Variants in PHLPP2 observed in about 807,000 individuals in gnomAD.
The protein encoded by PHLPP2 is PH domain and leucine rich repeat protein phosphatase 2.
In PHLPP2, 66 loss-of-function variants were observed where a neutral mutation model predicts 124.9. That is an observed-to-expected ratio of 0.53 (90% CI 0.43 to 0.65). The LOEUF is 0.65. PHLPP2 is among the 30% of genes least tolerant of loss of function. PHLPP2 has a pLI of 0.00. For missense variants in PHLPP2, 1,685 were observed against 1,600.4 expected (o/e 1.05, Z -0.90); for synonymous variants, 681 against 624.7 (o/e 1.09, Z -1.34).
chr16:71,655,492 C>T, intron 16 of PHLPP2, 58 bp from the exon 17 acceptor site: 1 of 1,295,354 alleles, frequency 7.7e-7, no homozygotes, highest in South Asian at 1.3e-5. Context: ...TATTATTCTC[C>T]AGGGAGCATT....
intron 5 of PHLPP2, among the ~76,000 whole-genome samples, chr16:71,682,455 T>C (rs909720146): frequency 2.6e-5 from 4 of 152,128 alleles, no homozygotes; most frequent in African/African-American, 9.7e-5. Context: ...AGTGCTGGGA[T>C]TACAGGCGTG....
intron 3 of PHLPP2, among the ~76,000 whole-genome samples, chr16:71,694,219 T>C (rs1485221570): frequency 2.2e-5 from 3 of 136,540 alleles, no homozygotes; most frequent in African/African-American, 8.1e-5. Flanking sequence ...ATAAAATAAT[T>C]TTTAAAATTG....
At position 71,656,892 on chromosome 16, in the gene PHLPP2, G is replaced by A. The variant is rs189427096; in HGVS notation, c.2280-211C>T. ...AGCCTCCTAAGCAGCTGAGATTACAGGTGTATGCCACCATGCCCGGCTAAT... is the reference window on the plus strand; with the variant it reads ...AGCCTCCTAAGCAGCTGAGATTACAAGTGTATGCCACCATGCCCGGCTAAT... On this transcript the variant is annotated intron_variant, in intron 15 of 18. Coordinates refer to ENST00000568954, the MANE Select transcript of PHLPP2 (RefSeq NM_015020.3). Among the ~76,000 whole-genome samples, 333 of 151,650 alleles carry A rather than the reference G, an allele frequency of 2.2e-3. 2 individuals carry two copies. Among genetic ancestry groups the A allele is most frequent in the African/African-American group, 7.6e-3 (316 of 41,376 alleles).
At chr16:71,680,962 C>T (rs2044991598) in intron 6 of PHLPP2, among the ~76,000 whole-genome samples, 1 of 152,132 alleles carries the variant, frequency 6.6e-6, no homozygotes, top group African/African-American at 2.4e-5. Context: ...ACTTGAAACA[C>T]TTTCTAAAAC....
Position 71,681,846 on chromosome 16 carries a change from A to C in PHLPP2, c.795T>G (p.Pro265=). 1.2e-6 allele frequency: 2 copies of C among 1,613,860 alleles called. No homozygotes were observed. Among genetic ancestry groups the C allele is most frequent in the South Asian group, 2.2e-5 (2 of 91,046 alleles). The change falls in exon 6 of 19, where the codon CCT becomes CCG. Residue 265 remains proline, a synonymous_variant. Transcript: ENST00000568954. ...DLSCYSLEEV[P]EHLFYSQDIT... ...TATCTTGACTATAGAAGAGATGCTC[A>C]GGAACCTCCTCGAGGCTGTAACACG...
At chr16:71,691,477 AAATAAATAAATAAATAAAT>A (rs2045112472) in intron 3 of PHLPP2, among the ~76,000 whole-genome samples, 1 of 73,576 alleles carries the variant, frequency 1.4e-5, no homozygotes, top group Non-Finnish European at 3.1e-5. Flanking sequence ...ATAAATAAAT[AAATAAATAAATAAATAAAT>A]AAATAAATAA....
intron 5 of PHLPP2, among the ~76,000 whole-genome samples, chr16:71,683,122 G>A (rs897792806): frequency 7.9e-5 from 12 of 151,692 alleles, no homozygotes; most frequent in South Asian, 4.2e-4. Flanking sequence ...AGTGAGCCAA[G>A]ACTATACCAC....
rs76155755 is a variant in PHLPP2, at chr16:71,676,125, T to C, written c.1471+322A>G. Among the ~76,000 whole-genome samples the C allele has an allele frequency of 2.0e-4, 31 of 152,280 alleles. No homozygotes were observed. The East Asian group carries it at 5.4e-3, about 27-fold the overall frequency. On this transcript the variant is annotated intron_variant, in intron 9 of 18. Coordinates refer to ENST00000568954, the MANE Select transcript of PHLPP2 (RefSeq NM_015020.3). ...AGAGGTGGCAGGCCAGATGCAGTCC[T>C]GGGGTATAGTTTGCCAACCTGTTTT... is the stretch of plus-strand genomic sequence containing the variant.
At position 71,715,027 on chromosome 16, in the gene PHLPP2, TC is replaced by T. The variant is rs2045352209; in HGVS notation, c.-6-227del. The T allele has an allele frequency of 5.3e-6, 3 of 569,438 alleles. No individual in the cohort carries two copies. In the African/African-American group the frequency reaches 5.7e-5, roughly 11 times the overall value. 35.3% of individuals were successfully genotyped at this position (569,438 alleles called of 1,614,324 possible). On this transcript the variant is annotated intron_variant, in intron 1 of 18. Coordinates refer to ENST00000568954, the MANE Select transcript of PHLPP2 (RefSeq NM_015020.3). ...TCCATCCATCATCTTCGTTGACCTC[TC>T]TTTTCCTTGTGTTTTCAGAAACGTG... is the stretch of plus-strand genomic sequence containing the variant.
chr16:71,720,751 C>T (rs193112347), intron 1 of PHLPP2, among the ~76,000 whole-genome samples: 4 of 152,046 alleles, frequency 2.6e-5, no homozygotes, highest in Admixed American at 2.6e-4. Flanking sequence ...GTAATCCCAG[C>T]TACACGAGAG....
Position 71,714,631 on chromosome 16 carries a change from G to C in PHLPP2, c.165C>G (p.Ser55=), listed in dbSNP as rs1567630649. 1 of 1,613,678 alleles carries C rather than the reference G, an allele frequency of 6.2e-7. No homozygotes were observed. The highest frequency in any genetic ancestry group is 1.7e-5 in the Admixed American group (1 of 59,986). The part of the protein sequence containing the change: ...TTTTTSSSSS[S]SSSSSDLHLV... ...GATGTAAGTCAGAGGAAGAGGAGGA[G>C]GAGGAAGAGGAAGAGGAGGTGGTGG... is the stretch of plus-strand genomic sequence containing the variant. Residue 55 remains serine (S), a synonymous_variant, in exon 2 of 19, where the codon TCC becomes TCG. Transcript: ENST00000568954.
At position 71,652,858 on chromosome 16, in the gene PHLPP2, C is replaced by T. The variant is rs955319366; in HGVS notation, c.2749G>A (p.Val917Ile). 1.2e-6 allele frequency: 2 copies of T among 1,614,040 alleles called. No homozygotes were observed. The highest frequency in any genetic ancestry group is 1.7e-6 in the Non-Finnish European group (2 of 1,180,030). Residue 917 changes from valine (V) to isoleucine (I), a missense_variant, in exon 18 of 19, where the codon GTC (valine) becomes ATC (isoleucine). Transcript: ENST00000568954. Reference protein sequence around the residue: ...RGGKPVPLSKVFSLEQDPEEA... With the variant: ...RGGKPVPLSKIFSLEQDPEEA... ...TCTGGGTCCTGCTCCAGGCTGAAGA[C>T]TTTAGAGAGGGGCACTGGCTTCCCA...
At chr16:71,718,452 C>T (rs570440776) in intron 1 of PHLPP2, among the ~76,000 whole-genome samples, 41 of 151,700 alleles carry the variant, frequency 2.7e-4, no homozygotes, top group African/African-American at 9.4e-4. Context: ...TGGTGGTGCA[C>T]GCCTGAAATC....
chr16:71,678,674 T>G (rs2044969355), intron 8 of PHLPP2, 81 bp downstream of exon 8: 4 of 813,194 alleles, frequency 4.9e-6, no homozygotes, highest in Admixed American at 2.2e-5. Flanking sequence ...CCCTAATGTT[T>G]TAAACAAATC....
intron 1 of PHLPP2, among the ~76,000 whole-genome samples, chr16:71,717,015 C>A (rs567544757): frequency 8.5e-5 from 13 of 152,206 alleles, no homozygotes; most frequent in Non-Finnish European, 1.5e-4. Flanking sequence ...TAGAACTCAG[C>A]TGACATCACA....
In PHLPP2 at chr16:71,649,373, G is replaced by A; in HGVS notation, c.3489C>T (p.Ser1163=). The change falls in exon 19 of 19, where the codon AGC becomes AGT. Residue 1163 remains serine, a synonymous_variant. Transcript: ENST00000568954. ...QPVEGVITNG[S]KVEVEVDIHC... ...GGATGTCTACTTCCACCTCTACCTT[G>A]CTGCCATTGGTTATGACCCCCTCAA... The A allele has an allele frequency of 1.2e-6, 2 of 1,613,736 alleles. No homozygotes were observed. Among genetic ancestry groups the A allele is most frequent in the Non-Finnish European group, 1.7e-6 (2 of 1,179,760 alleles).
chr16:71,670,695 A>ACACACACACACACACACACACACAC (rs372978115), intron 10 of PHLPP2, among the ~76,000 whole-genome samples: 15 of 129,024 alleles, frequency 1.2e-4, no homozygotes, highest in African/African-American at 4.4e-4. Context: ...AGAGGCTGAA[A>ACACACACACACACACACACACACAC]ACACACACAC....
intron 13 of PHLPP2, among the ~76,000 whole-genome samples, chr16:71,659,504 G>C (rs985240020): frequency 1.3e-5 from 2 of 152,118 alleles, no homozygotes; most frequent in Non-Finnish European, 2.9e-5. Flanking sequence ...GCCCACCTCA[G>C]CCTCCCAAAG....
At position 71,649,458 on chromosome 16, in the gene PHLPP2, G is replaced by C. The variant is rs373025486; in HGVS notation, c.3404C>G (p.Ser1135Cys). ...TSGLFQRQPS[S>C]ATFSSNQSDN... The stretch of plus-strand genomic sequence containing the variant: ...AGACTGGTTACTGGAGAAGGTAGCA[G>C]AAGAAGGCTGGCGCTGAAACAGCCC... Residue 1135 changes from serine (S) to cysteine (C), a missense_variant, in exon 19 of 19, where the codon TCT becomes TGT. Coordinates refer to ENST00000568954, the MANE Select transcript of PHLPP2 (RefSeq NM_015020.3). 3 of 1,614,120 alleles carry C rather than the reference G, an allele frequency of 1.9e-6. No homozygotes were observed. The highest frequency in any genetic ancestry group is 2.5e-6 in the Non-Finnish European group (3 of 1,179,996).
Sources: gnomAD v4.1 joint callset for allele counts (sites outside exome capture counted in the v4.1 genomes callset) on GRCh38, gnomAD v4.1.1 for gene constraint, MANE v1.5 for transcripts, NCBI Gene and HGNC (gene_info 2026-07-23, HGNC 2026-07-21) for gene names.